The following PTPRD variants were observed in gnomAD, a reference collection of about 807,000 sequenced individuals.
The protein encoded by PTPRD is receptor-type tyrosine-protein phosphatase delta.
In PTPRD, 34 loss-of-function variants were observed where a neutral mutation model predicts 214.5. That is an observed-to-expected ratio of 0.16 (90% confidence interval 0.12 to 0.21). PTPRD has a LOEUF of 0.21. Ranked by LOEUF, PTPRD falls within the 10% of genes least tolerant of loss-of-function variation. The pLI is 1.00. For synonymous variants in PTPRD, 1,128 were observed against 845.7 expected (o/e 1.33, Z -5.79); for missense variants, 2,545 against 2,398.7 (o/e 1.06, Z -1.27).
intron 4 of PTPRD, among the ~76,000 whole-genome samples, chr9:9,965,858 A>G (rs1053005412): frequency 1.3e-5 from 2 of 152,206 alleles, no homozygotes; most frequent in African/African-American, 4.8e-5. Flanking sequence ...TAGGTGTACA[A>G]TGAACACTAT....
intron 9 of PTPRD, among the ~76,000 whole-genome samples, chr9:9,252,844 T>A (rs188969689): frequency 3.5e-4 from 53 of 152,172 alleles, no homozygotes; most frequent in Admixed American, 3.0e-3. Flanking sequence ...TGTCTTTTGT[T>A]ACAGATAACC....
Position 10,412,661 on chromosome 9 carries a change from CACA to C in PTPRD, c.-599-71647_-599-71645del, listed in dbSNP as rs2098449208. Among the ~76,000 whole-genome samples the C allele has an allele frequency of 2.0e-5, 3 of 148,802 alleles. No homozygotes were observed. In the East Asian group the frequency reaches 6.0e-4, roughly 30 times the overall value. ...ACACACACACACACACACACACACA[CACA>C]CCCCTTGAAGCCAATATTCTTGATG... is the stretch of plus-strand genomic sequence containing the variant. On this transcript the variant is annotated intron_variant, in intron 2 of 45. Transcript: ENST00000381196.
At chr9:8,849,221 G>C (rs1566594771) in intron 11 of PTPRD, among the ~76,000 whole-genome samples, 1 of 139,546 alleles carries the variant, frequency 7.2e-6, no homozygotes, top group East Asian at 2.1e-4. Context: ...TGTCCCCCAG[G>C]CTGGAGTGCA....
chr9:8,390,755 G>T (rs7046541), intron 36 of PTPRD, among the ~76,000 whole-genome samples: 5,427 of 152,170 alleles, frequency 0.036, 307 homozygotes, highest in African/African-American at 0.12. Flanking sequence ...CCAAGAAGAG[G>T]AGCCACAGTG....
chr9:9,820,642 T>C (rs1411232973), intron 5 of PTPRD, among the ~76,000 whole-genome samples: 1 of 152,134 alleles, frequency 6.6e-6, no homozygotes, highest in African/African-American at 2.4e-5. Context: ...CTTTAATCCA[T>C]CTTGAGTTAA....
intron 2 of PTPRD, among the ~76,000 whole-genome samples, chr9:10,461,654 GCT>G (rs1459896660): frequency 1.4e-5 from 2 of 143,396 alleles, no homozygotes; most frequent in Non-Finnish European, 3.0e-5. Flanking sequence ...ATGGAGTCTC[GCT>G]CTGTCTCCCA....
chr9:8,798,127 T>C (rs1161687849), intron 11 of PTPRD, among the ~76,000 whole-genome samples: 2 of 152,180 alleles, frequency 1.3e-5, no homozygotes, highest in Non-Finnish European at 2.9e-5. Flanking sequence ...TATATGATAA[T>C]TAGAACATTT....
intron 4 of PTPRD, among the ~76,000 whole-genome samples, chr9:9,998,574 C>A (rs1038353557): frequency 1.3e-5 from 2 of 151,908 alleles, no homozygotes; most frequent in African/African-American, 4.8e-5. Context: ...AAAAAAAATC[C>A]CTCCAAATTA....
intron 35 of PTPRD, among the ~76,000 whole-genome samples, chr9:8,433,568 G>GTGTAGGC (rs2095197629): frequency 2.0e-5 from 3 of 152,146 alleles, no homozygotes; most frequent in Admixed American, 1.3e-4. Context: ...TTCTGACTCT[G>GTGTAGGC]TGTAGGCCTA....
intron 6 of PTPRD, among the ~76,000 whole-genome samples, chr9:9,765,439 A>C (rs1023893210): frequency 6.6e-6 from 1 of 152,146 alleles, no homozygotes; most frequent in African/African-American, 2.4e-5. Flanking sequence ...CCCAACTTTT[A>C]TTTCAATGTA....
chr9:9,606,063 C>T (rs906212621), intron 7 of PTPRD, among the ~76,000 whole-genome samples: 1 of 151,938 alleles, frequency 6.6e-6, no homozygotes, highest in Non-Finnish European at 1.5e-5. Flanking sequence ...TTAAGAGTGG[C>T]CTTGAAGACT....
intron 14 of PTPRD, among the ~76,000 whole-genome samples, chr9:8,581,515 G>C (rs536805787): frequency 6.6e-6 from 1 of 152,096 alleles, no homozygotes; most frequent in African/African-American, 2.4e-5. Flanking sequence ...TTGGGAGGCC[G>C]AGGTGGGCGG....
intron 9 of PTPRD, among the ~76,000 whole-genome samples, chr9:9,345,263 A>C (rs1569567552): frequency 6.7e-6 from 1 of 150,038 alleles, no homozygotes; most frequent in Non-Finnish European, 1.5e-5. Flanking sequence ...TATTAAACAT[A>C]TATTTCAGTA....
chr9:9,398,825 A>G (rs2068964801), intron 8 of PTPRD, among the ~76,000 whole-genome samples: 1 of 151,982 alleles, frequency 6.6e-6, no homozygotes, highest in South Asian at 2.1e-4. Context: ...TGGTCACCCC[A>G]GCACCAAGAT....
At chr9:9,286,669 A>G (rs1949481095) in intron 9 of PTPRD, among the ~76,000 whole-genome samples, 1 of 150,546 alleles carries the variant, frequency 6.6e-6, no homozygotes. Flanking sequence ...CTTTTTTGCA[A>G]TCCATTGGCT....
At chr9:8,405,379 T>A (rs1326272889) in intron 35 of PTPRD, among the ~76,000 whole-genome samples, 1 of 152,258 alleles carries the variant, frequency 6.6e-6, no homozygotes, top group East Asian at 1.9e-4. Context: ...TTTTTATTCT[T>A]GATTTTAACA....
At chr9:10,488,511 A>G (rs889984918) in intron 2 of PTPRD, among the ~76,000 whole-genome samples, 1 of 152,146 alleles carries the variant, frequency 6.6e-6, no homozygotes. Flanking sequence ...GCAGGTGGCA[A>G]TGTCAGGCAG....
intron 2 of PTPRD, among the ~76,000 whole-genome samples, chr9:10,560,760 T>A (rs1392222201): frequency 6.6e-6 from 1 of 152,080 alleles, no homozygotes; most frequent in Non-Finnish European, 1.5e-5. Flanking sequence ...AAATGAAGTA[T>A]GAACCAATTA....
At chr9:9,774,702 A>G (rs2098782573) in intron 5 of PTPRD, among the ~76,000 whole-genome samples, 1 of 152,236 alleles carries the variant, frequency 6.6e-6, no homozygotes. Flanking sequence ...GCATTCATAT[A>G]GAAGCCTTGA....
Sources: gnomAD v4.1 joint callset for allele counts (sites outside exome capture counted in the v4.1 genomes callset) on GRCh38, gnomAD v4.1.1 for gene constraint, MANE v1.5 for transcripts, NCBI Gene and HGNC (gene_info 2026-07-23, HGNC 2026-07-21) for gene names.